The following VWF variants were observed in gnomAD, a reference collection of about 807,000 sequenced individuals.
VWF encodes von Willebrand factor.
Under a neutral mutation model 308.6 loss-of-function variants are expected in VWF, and 176 were observed. The ratio of observed to expected loss-of-function variants is 0.57; its 90% CI spans 0.50 to 0.65. The LOEUF is 0.65. Ranked by LOEUF, VWF falls within the 30% of genes least tolerant of loss-of-function variation. The pLI is 0.00. For synonymous variants in VWF, 1,385 were observed against 1,443.4 expected (o/e 0.96, Z 0.92); for missense variants, 3,146 against 3,648.2 (o/e 0.86, Z 3.55).
chr12:5,969,177 C>A (rs546231736), intron 45 of VWF, 34 bp downstream of exon 45: 2 of 1,590,754 alleles, frequency 1.3e-6, no homozygotes, highest in African/African-American at 2.7e-5. Context: ...AAGGTGGTGC[C>A]CGGTCCAGCC....
chr12:6,096,545 C>G (rs575414418), intron 5 of VWF, among the ~76,000 whole-genome samples: 1 of 152,342 alleles, frequency 6.6e-6, no homozygotes, highest in South Asian at 2.1e-4. Context: ...GGCTGTGTCT[C>G]TTATCTCTAA....
At chr12:6,037,908 G>A (rs1160142969) in intron 18 of VWF, among the ~76,000 whole-genome samples, 2 of 152,220 alleles carry the variant, frequency 1.3e-5, no homozygotes, top group African/African-American at 4.8e-5. Flanking sequence ...GTGTGTTGGG[G>A]CGGTTGGGGG....
chr12:6,041,549 C>T (rs1322591209), intron 18 of VWF, among the ~76,000 whole-genome samples: 5 of 151,872 alleles, frequency 3.3e-5, no homozygotes, highest in South Asian at 4.2e-4. Flanking sequence ...CCTGGGTTCA[C>T]GGCATTCTCC....
At chr12:6,120,619 T>G (rs1025199719) in intron 3 of VWF, among the ~76,000 whole-genome samples, 1 of 152,122 alleles carries the variant, frequency 6.6e-6, no homozygotes, top group Non-Finnish European at 1.5e-5. Context: ...CCACCTTTTA[T>G]TGTCTGTCAG....
chr12:5,991,179 A>T (rs1246534177), intron 38 of VWF, among the ~76,000 whole-genome samples: 1 of 132,284 alleles, frequency 7.6e-6, no homozygotes, highest in African/African-American at 2.6e-5. Context: ...ACACACACAC[A>T]CACACACACA....
Position 6,057,087 on chromosome 12 carries a change from G to C in VWF, c.1730-15C>G. On this transcript the variant is annotated splice_polypyrimidine_tract_variant and intron_variant, in intron 14 of 51. Transcript: ENST00000261405. The stretch of plus-strand genomic sequence containing the variant: ...GGAGAACCTGGCTGTGGGGCGAGAG[G>C]AGCGAGCCTGGGATGTGGTGGGGAG... 6.5e-7 allele frequency: 1 copy of C among 1,529,724 alleles called. No homozygotes were observed. Among genetic ancestry groups the C allele is most frequent in the Non-Finnish European group, 8.7e-7 (1 of 1,143,812 alleles). The allele number at this position is 1,529,724 out of a possible 1,614,324, so 94.8% of individuals were successfully genotyped here.
intron 6 of VWF, among the ~76,000 whole-genome samples, chr12:6,094,025 G>A (rs1200308116): frequency 6.6e-6 from 1 of 152,210 alleles, no homozygotes; most frequent in Non-Finnish European, 1.5e-5. Context: ...CAGGAGAGGA[G>A]AAGGCCATGT....
At chr12:6,104,780 T>C (rs1167679002) in intron 5 of VWF, among the ~76,000 whole-genome samples, 2 of 152,056 alleles carry the variant, frequency 1.3e-5, no homozygotes, top group Non-Finnish European at 2.9e-5. Flanking sequence ...GAAATCAATA[T>C]ATCAAAAATA....
rs145885642 is a variant in VWF, at chr12:5,984,366, C to A, written c.6976+679G>T. Among the ~76,000 whole-genome samples the A allele has an allele frequency of 1.7e-3, 258 of 152,360 alleles. 2 individuals are homozygous for A. The highest frequency in any genetic ancestry group is 2.9e-3 in the Non-Finnish European group (195 of 68,030). ...TACAGGACTTCTATTTATTTCTGATCAATTTCATGAGTACAAATAAGTTTC... is the reference window on the plus strand; with the variant it reads ...TACAGGACTTCTATTTATTTCTGATAAATTTCATGAGTACAAATAAGTTTC... On this transcript the variant is annotated intron_variant, in intron 40 of 51. Coordinates refer to ENST00000261405, the MANE Select transcript of VWF (RefSeq NM_000552.5).
chr12:6,026,944 G>T lies in VWF; in HGVS notation c.2968-898C>A, dbSNP rs554298664. ...AACAAAAAAACTACAGAAAAAACTGGAAATATTTGGCCTGGAGAAGAAAAG... is the reference window on the plus strand; with the variant it reads ...AACAAAAAAACTACAGAAAAAACTGTAAATATTTGGCCTGGAGAAGAAAAG... On this transcript the variant is annotated intron_variant, in intron 22 of 51. Coordinates refer to ENST00000261405, the MANE Select transcript of VWF (RefSeq NM_000552.5). Among the ~76,000 whole-genome samples the T allele has an allele frequency of 5.3e-5, 8 of 152,238 alleles. No homozygotes were observed. The South Asian group carries it at 1.2e-3, about 24-fold the overall frequency.
At chr12:6,015,694 C>G (rs1444850207) in intron 31 of VWF, among the ~76,000 whole-genome samples, 1 of 152,148 alleles carries the variant, frequency 6.6e-6, no homozygotes, top group Non-Finnish European at 1.5e-5. Flanking sequence ...CAGGAAAGGA[C>G]TCTAAATACA....
chr12:6,016,416 G>A (rs866517576), intron 30 of VWF, 100 bp downstream of exon 30: 1 of 1,445,530 alleles, frequency 6.9e-7, no homozygotes, highest in Middle Eastern at 2.2e-4. Context: ...AGAAACTAAG[G>A]CCAAGGAGCA....
rs78700544 is a variant in VWF at position 5,996,371 on chromosome 12, C to T, written c.5843-149G>A. The T allele has an allele frequency of 6.9e-4, 506 of 736,004 alleles. 2 individuals carry two copies. In the African/African-American group the frequency reaches 8.1e-3, roughly 12 times the overall value. The allele number at this position is 736,004 out of a possible 1,614,324, so 45.6% of individuals were successfully genotyped here. A position where few individuals can be genotyped will look rare whatever the true frequency, so the allele number is the denominator to read the frequency against. On this transcript the variant is annotated intron_variant, in intron 34 of 51. Coordinates refer to ENST00000261405, the MANE Select transcript of VWF (RefSeq NM_000552.5). ...TTGAGGTCATATAGAACAATTTCCT[C>T]CTTTTTTTACAGATTAGGAAACTGG... is the stretch of plus-strand genomic sequence containing the variant.
At chr12:6,103,431 C>CATAT (rs1565391026) in intron 5 of VWF, among the ~76,000 whole-genome samples, 4 of 111,652 alleles carry the variant, frequency 3.6e-5, no homozygotes, top group African/African-American at 8.6e-5. Context: ...TGTATACACA[C>CATAT]GTGTGTATAT....
At position 6,026,001 on chromosome 12, in the gene VWF, T is replaced by C. The variant is rs367549408; in HGVS notation, c.3013A>G (p.Asn1005Asp). 1.9e-5 allele frequency: 30 copies of C among 1,613,806 alleles called. No homozygotes were observed. The highest frequency in any genetic ancestry group is 2.7e-5 in the African/African-American group (2 of 74,900). Residue 1005 changes from asparagine (N) to aspartate (D), a missense_variant, in exon 23 of 52, where the codon AAT becomes GAT. Physicochemically the swap from Asn to Asp is conservative, Grantham distance 23. Around this residue, in one of 3 missense-constraint regions of VWF, gnomAD observed 1,304 missense variants for 1,353.0 expected, o/e 0.96. Transcript: ENST00000261405. ...LCGNFDGIQN[N>D]DLTSSNLQVE... ...TGGAGGTTGCTGCTGGTGAGGTCAT[T>C]GTTCTGGATGCCATCAAAATTCCCA...
Position 6,115,312 on chromosome 12 carries a change from T to C in VWF, c.221-4344A>G, listed in dbSNP as rs1354314889. ...CTTCAGCCTCCCAAAGCATTGGGAT[T>C]ATAGGCATGAGTAACTGTGTCCAGC... On this transcript the variant is annotated intron_variant, in intron 3 of 51. Transcript: ENST00000261405. Among the ~76,000 whole-genome samples, 4 of 152,330 alleles carry C rather than the reference T, an allele frequency of 2.6e-5. No individual in the cohort carries two copies. In the East Asian group the frequency reaches 7.7e-4, roughly 29 times the overall value.
intron 44 of VWF, 21 bp downstream of exon 44, chr12:5,971,578 G>T (rs188462557): frequency 1.9e-6 from 3 of 1,606,026 alleles, no homozygotes; most frequent in Middle Eastern, 3.3e-4. Context: ...CCTCCTCCCC[G>T]TCCCGGGGGC....
At position 6,052,709 on chromosome 12, in the gene VWF, AAGAG is replaced by A. The variant is rs61748462; in HGVS notation, c.2016_2019del (p.Ser673ThrfsTer67). On this transcript the variant is annotated frameshift_variant, in exon 16 of 52. Transcript: ENST00000261405. LOFTEE classifies it high-confidence loss of function. ...GCCTCATTGCATTCCTCATCCGGGT[AAGAG>A]AGAGAGCGGCAGGTCAGGTTGCAGG... The A allele has an allele frequency of 1.2e-6, 2 of 1,614,002 alleles. No homozygotes were observed. Among genetic ancestry groups the A allele is most frequent in the East Asian group, 2.2e-5 (1 of 44,884 alleles).
Position 6,110,870 on chromosome 12 carries a change from G to A in VWF, c.319C>T (p.Gln107Ter). ...ACTCAGACATTGTTGGCTTACCTTT[G>A]GTCCCCCTGTGTCACGGTACCATTG... ...FVNGTVTQGDQRVSMPYASKG... is the reference protein window; with the variant it reads ...FVNGTVTQGD The change falls in exon 4 of 52, where the codon CAA becomes TAA. Residue 107 changes from glutamine (Q) to a stop codon, truncating the protein, a stop_gained. Coordinates refer to ENST00000261405, the MANE Select transcript of VWF (RefSeq NM_000552.5). LOFTEE classifies it high-confidence loss of function. 1.2e-6 allele frequency: 2 copies of A among 1,613,918 alleles called. No homozygotes were observed. Among genetic ancestry groups the A allele is most frequent in the African/African-American group, 2.7e-5 (2 of 74,988 alleles).
Sources: allele counts gnomAD v4.1 joint callset (sites outside exome capture counted in the v4.1 genomes callset), GRCh38; gene constraint gnomAD v4.1.1; regional missense constraint gnomAD v4.1.1; transcripts MANE v1.5; gene names NCBI Gene and HGNC (gene_info 2026-07-23, HGNC 2026-07-21).